ITGA11: variants seen among roughly 807,000 people sequenced by gnomAD.
ITGA11 encodes integrin alpha-11.
In ITGA11, 97 loss-of-function variants were observed where a neutral mutation model predicts 141.9. The observed-to-expected ratio is 0.68, with a 90% CI of 0.58 to 0.81. The LOEUF (loss-of-function observed/expected upper bound fraction) is 0.81. Ranked by LOEUF, ITGA11 falls within the 30% of genes least tolerant of loss-of-function variation. The pLI is 0.00. For missense variants in ITGA11, 1,387 were observed against 1,559.2 expected (o/e 0.89, Z 1.86); for synonymous variants, 658 against 624.6 (o/e 1.05, Z -0.80).
At chr15:68,398,950 T>C (rs1224670790) in intron 2 of ITGA11, among the ~76,000 whole-genome samples, 5 of 151,650 alleles carry the variant, frequency 3.3e-5, no homozygotes, top group African/African-American at 1.2e-4. Flanking sequence ...TGTTAGTGGA[T>C]TAGAAAAAAT....
chr15:68,319,369 C>T (rs760016003), intron 20 of ITGA11, among the ~76,000 whole-genome samples: 8 of 152,302 alleles, frequency 5.3e-5, no homozygotes, highest in Middle Eastern at 3.4e-3. Context: ...CGCTGGACGC[C>T]GTGAGTAGGC....
At chr15:68,410,527 T>TG (rs1309631659) in intron 1 of ITGA11, among the ~76,000 whole-genome samples, 4 of 151,026 alleles carry the variant, frequency 2.6e-5, no homozygotes, top group South Asian at 4.1e-4. Flanking sequence ...CTTGCTGCTA[T>TG]GGGGGAAAAA....
In ITGA11 at chr15:68,308,002, A is replaced by T. The variant is rs1893257231; in HGVS notation, c.3175-306T>A. Among the ~76,000 whole-genome samples the T allele has an allele frequency of 1.3e-5, 2 of 152,226 alleles. No homozygotes were observed. Among genetic ancestry groups the T allele is most frequent in the Non-Finnish European group, 2.9e-5 (2 of 68,040 alleles). On this transcript the variant is annotated intron_variant, in intron 26 of 29. Transcript: ENST00000315757. The surrounding 1 kb of genome is among the most constrained non-coding windows in gnomAD (Gnocchi z 5.2). ...AAATGTTTCCTATCACCATATAAAC[A>T]CATTAAGATAAAAAATTCTATGATC... is the stretch of plus-strand genomic sequence containing the variant.
At position 68,311,420 on chromosome 15, in the gene ITGA11, G is replaced by A. The variant is rs781254623; in HGVS notation, c.2974-17C>T. ...GTTCTGGATCTGTGGCCAGAGACAG[G>A]GAGGTGTCAGTACAGTCAGTTGAGG... is the stretch of plus-strand genomic sequence containing the variant. On this transcript the variant is annotated splice_polypyrimidine_tract_variant and intron_variant, in intron 24 of 29. Transcript: ENST00000315757. 6.6e-7 allele frequency: 1 copy of A among 1,515,016 alleles called. No homozygotes were observed. The highest frequency in any genetic ancestry group is 1.2e-5 in the South Asian group (1 of 83,426). 93.8% of individuals were successfully genotyped at this position (1,515,016 alleles called of 1,614,324 possible).
intron 1 of ITGA11, among the ~76,000 whole-genome samples, chr15:68,419,002 C>T (rs1042323363): frequency 6.6e-6 from 1 of 151,958 alleles, no homozygotes; most frequent in Non-Finnish European, 1.5e-5. Context: ...GCCAGTCTGC[C>T]CTGCTCTTTG....
chr15:68,375,815 G>A (rs1895713142), intron 2 of ITGA11, among the ~76,000 whole-genome samples: 1 of 152,088 alleles, frequency 6.6e-6, no homozygotes, highest in Non-Finnish European at 1.5e-5. Flanking sequence ...ATGGCCAAAC[G>A]TCATTCTGGG....
rs903311852 is a variant in ITGA11 at position 68,320,262 on chromosome 15, T to A, written c.2539A>T (p.Arg847Trp). Residue 847 changes from arginine to tryptophan, a missense_variant, in exon 20 of 30, where the codon AGG becomes TGG. Arg to Trp is a moderately radical substitution (Grantham distance 101). Coordinates refer to ENST00000315757, the MANE Select transcript of ITGA11 (RefSeq NM_001004439.2). ...RVAVEATLEN[R>W]GENAYSTVLN... ...ACCGTGCTGTAGGCGTTCTCGCCCC[T>A]GTTCTCCAGTGTGGCCTCCACCGCC... 2.5e-6 allele frequency: 4 copies of A among 1,613,920 alleles called. No homozygotes were observed. Among genetic ancestry groups the A allele is most frequent in the Non-Finnish European group, 3.4e-6 (4 of 1,179,900 alleles).
rs1333421141 is a variant in ITGA11, at chr15:68,315,655, C to T, written c.2788G>A (p.Gly930Ser). Reference protein sequence around the residue: ...LHHLEIELAAGSDSNERDSTK... With the variant: ...LHHLEIELAASSDSNERDSTK... ...AGGAGCAGGCACGGCCCTGACCTGC[C>T]TGCAGCGAGCTCGATCTCCAGGTGG... The change falls in exon 22 of 30, where the codon GGC becomes AGC. Residue 930 changes from glycine (G) to serine (S), a missense_variant. Gly to Ser is a moderately conservative substitution (Grantham distance 56, BLOSUM62 0). Transcript: ENST00000315757. 3.1e-6 allele frequency: 5 copies of T among 1,613,108 alleles called. No individual in the cohort carries two copies. Among genetic ancestry groups the T allele is most frequent in the Non-Finnish European group, 4.2e-6 (5 of 1,179,446 alleles).
intron 1 of ITGA11, among the ~76,000 whole-genome samples, chr15:68,417,845 G>A (rs1342222990): frequency 6.6e-6 from 1 of 152,210 alleles, no homozygotes; most frequent in Non-Finnish European, 1.5e-5. Context: ...TGAGAAAGGA[G>A]AATCCATTGC....
chr15:68,328,495 A>C lies in ITGA11; in HGVS notation c.1902-233T>G, dbSNP rs923506140. Reference sequence around the variant, plus strand: ...CAGCCACCTCATGGCCCCTCCATGCAGCCCCTCAGCACTTTCCCCGAGGGG... The same window carrying C: ...CAGCCACCTCATGGCCCCTCCATGCCGCCCCTCAGCACTTTCCCCGAGGGG... On this transcript the variant is annotated intron_variant, in intron 15 of 29. Transcript: ENST00000315757. This position sits in a 1 kb window ranked among gnomAD's most constrained non-coding sequence, Gnocchi z 4.8. Among the ~76,000 whole-genome samples the C allele has an allele frequency of 3.3e-5, 5 of 152,178 alleles. No homozygotes were observed. Among genetic ancestry groups the C allele is most frequent in the African/African-American group, 9.7e-5 (4 of 41,446 alleles).
chr15:68,373,442 T>C (rs1398919739), intron 2 of ITGA11, among the ~76,000 whole-genome samples: 2 of 152,200 alleles, frequency 1.3e-5, no homozygotes, highest in Admixed American at 1.3e-4. Flanking sequence ...AAGAGGGTTG[T>C]TGAGAAATCG....
Position 68,328,327 on chromosome 15 carries a change from G to C in ITGA11, c.1902-65C>G. 1 of 1,487,952 alleles carries C rather than the reference G, an allele frequency of 6.7e-7. No homozygotes were observed. 92.2% of individuals were successfully genotyped at this position (1,487,952 alleles called of 1,614,324 possible). On this transcript the variant is annotated intron_variant, in intron 15 of 29. Coordinates refer to ENST00000315757, the MANE Select transcript of ITGA11 (RefSeq NM_001004439.2). The surrounding 1 kb of genome is among the most constrained non-coding windows in gnomAD (Gnocchi z 4.8). ...CTCAGGCTGCCCTGCTGTGACCATG[G>C]GGAAAGACAAGAACCAGATGCGAGT... is the stretch of plus-strand genomic sequence containing the variant.
Position 68,308,766 on chromosome 15 carries a change from A to AAAAGG in ITGA11, c.3175-1071_3175-1070insCCTTT, listed in dbSNP as rs1428542938. 3.8e-5 allele frequency among the ~76,000 whole-genome samples: 5 copies of AAAAGG among 130,236 alleles called. No individual in the cohort carries two copies. In the East Asian group the frequency reaches 1.2e-3, roughly 30 times the overall value. 85.4% of individuals were successfully genotyped at this position (130,236 alleles called of 152,430 possible). On this transcript the variant is annotated intron_variant, in intron 26 of 29. Coordinates refer to ENST00000315757, the MANE Select transcript of ITGA11 (RefSeq NM_001004439.2). The surrounding 1 kb of genome is among the most constrained non-coding windows in gnomAD (Gnocchi z 5.2). Reference sequence around the variant, plus strand: ...CAAAAGAAAAGAAAAGAAAAGAAAGAAAAGAAAAGAAAAGAAAAGGGATTA... The same window carrying AAAAGG: ...CAAAAGAAAAGAAAAGAAAAGAAAGAAAAGGAAAGAAAAGAAAAGAAAAGGGATTA...
At chr15:68,318,735 G>A (rs1276084721) in intron 20 of ITGA11, among the ~76,000 whole-genome samples, 2 of 152,058 alleles carry the variant, frequency 1.3e-5, no homozygotes, top group African/African-American at 4.8e-5. Context: ...CAAGGGGGGG[G>A]CACTTGGGGA....
intron 14 of ITGA11, 103 bp downstream of exon 14, chr15:68,331,756 G>T: frequency 2.0e-6 from 2 of 1,001,430 alleles, no homozygotes; most frequent in Non-Finnish European, 3.0e-6. Flanking sequence ...CTGTGAGAGG[G>T]CCTGGAAGAA....
chr15:68,370,574 C>T lies in ITGA11; in HGVS notation c.165-1290G>A, dbSNP rs575906073. On this transcript the variant is annotated intron_variant, in intron 2 of 29. Coordinates refer to ENST00000315757, the MANE Select transcript of ITGA11 (RefSeq NM_001004439.2). ...CTGGGGCCCTCTAGGCCTTGGGTGC[C>T]GGTCTGGCTCTCTGCTCAGGCCACA... is the stretch of plus-strand genomic sequence containing the variant. 1.3e-3 allele frequency among the ~76,000 whole-genome samples: 194 copies of T among 152,308 alleles called. 1 individual carries two copies. Among genetic ancestry groups the T allele is most frequent in the African/African-American group, 4.6e-3 (191 of 41,568 alleles).
At chr15:68,323,893 C>G (rs1289173660) in intron 18 of ITGA11, among the ~76,000 whole-genome samples, 1 of 152,192 alleles carries the variant, frequency 6.6e-6, no homozygotes, top group Admixed American at 6.5e-5. Context: ...CTGACCTGTG[C>G]TGCTCATTAC....
At position 68,307,123 on chromosome 15, in the gene ITGA11, A is replaced by G. The variant is rs1893224832; in HGVS notation, c.3381+225T>C. ...CCCATCCTTTGGTCTTCACAAATTC[A>G]GTTCACACCAGACCTCTGGACCTTC... On this transcript the variant is annotated intron_variant, in intron 28 of 29. Coordinates refer to ENST00000315757, the MANE Select transcript of ITGA11 (RefSeq NM_001004439.2). The surrounding 1 kb of genome is among the most constrained non-coding windows in gnomAD (Gnocchi z 6.1). 6.6e-6 allele frequency among the ~76,000 whole-genome samples: 1 copy of G among 152,162 alleles called. No individual in the cohort carries two copies. Among genetic ancestry groups the G allele is most frequent in the Non-Finnish European group, 1.5e-5 (1 of 68,030 alleles).
Position 68,332,386 on chromosome 15 carries a change from G to T in ITGA11, c.1518C>A (p.Phe506Leu). Residue 506 changes from phenylalanine to leucine, a missense_variant, in exon 13 of 30, where the codon TTC becomes TTA. Transcript: ENST00000315757. ...CCTTGCCTCGCTCACGGCCCTCGTT[G>T]AAGTACATGGGTGCGCCCACCAGCA... ...DVLLVGAPMYFNEGRERGKVY... is the reference protein window; with the variant it reads ...DVLLVGAPMYLNEGRERGKVY... 1 of 1,610,186 alleles carries T rather than the reference G, an allele frequency of 6.2e-7. No homozygotes were observed.
Sources: allele counts gnomAD v4.1 joint callset (sites outside exome capture counted in the v4.1 genomes callset), GRCh38; gene constraint gnomAD v4.1.1; non-coding constraint Gnocchi (gnomAD v3.1); transcripts MANE v1.5; gene names NCBI Gene and HGNC (gene_info 2026-07-23, HGNC 2026-07-21).